IL1RAPL2: variants seen among roughly 807,000 people sequenced by gnomAD.
IL1RAPL2 encodes the protein interleukin 1 receptor accessory protein like 2.
A neutral mutation model predicts 44.1 loss-of-function variants in IL1RAPL2; 3 were observed. The ratio of observed to expected loss-of-function variants is 0.07; its 90% CI spans 0.03 to 0.18. The LOEUF (loss-of-function observed/expected upper bound fraction) is 0.18. Ranked by LOEUF, IL1RAPL2 falls within the 10% of genes least tolerant of loss-of-function variation. The pLI is 1.00. For synonymous variants in IL1RAPL2, 181 were observed against 178.8 expected (o/e 1.01, Z -0.10); for missense variants, 391 against 496.4 (o/e 0.79, Z 2.02).
chrX:104,930,749 T>C (rs745343526), intron 2 of IL1RAPL2, among the ~76,000 whole-genome samples: 4 of 112,101 alleles, frequency 3.6e-5, no homozygotes, highest in African/African-American at 9.7e-5. Context: ...CAGTCACTTA[T>C]GATGAGCTAG....
At position 105,276,034 on chromosome X, in the gene IL1RAPL2, A is replaced by ATAAC. The variant is rs199597391; in HGVS notation, c.697+8496_697+8499dup. ...CCAATCCATTGTTTTGTCTTTTGGA[A>ATAAC]TAACTATTTCTGATTCTAAAAGGAA... On this transcript the variant is annotated intron_variant, in intron 5 of 10. Coordinates refer to ENST00000372582, the MANE Select transcript of IL1RAPL2 (RefSeq NM_017416.2). Among the ~76,000 whole-genome samples the ATAAC allele has an allele frequency of 8.0e-3, 904 of 112,414 alleles. 12 individuals are homozygous for ATAAC. The highest frequency in any genetic ancestry group is 0.028 in the African/African-American group (869 of 30,918).
intron 5 of IL1RAPL2, among the ~76,000 whole-genome samples, chrX:105,306,208 T>C (rs760276293): frequency 1.8e-5 from 2 of 111,598 alleles, no homozygotes; most frequent in South Asian, 7.4e-4. Context: ...AACATATATA[T>C]TAATAACATA....
chrX:105,640,733 T>G (rs1431432798), intron 6 of IL1RAPL2, among the ~76,000 whole-genome samples: 6 of 82,088 alleles, frequency 7.3e-5, no homozygotes, highest in Admixed American at 5.9e-4. Context: ...TATCTATATA[T>G]ATAGATATAG....
intron 2 of IL1RAPL2, among the ~76,000 whole-genome samples, chrX:105,051,846 AACATACAC>A (rs2031931055): frequency 8.9e-6 from 1 of 112,392 alleles, no homozygotes; most frequent in Non-Finnish European, 1.9e-5. Flanking sequence ...AGAGGGGAAC[AACATACAC>A]CAGGGCCTGT....
intron 2 of IL1RAPL2, among the ~76,000 whole-genome samples, chrX:104,788,030 T>A (rs1478094646): frequency 9.0e-6 from 1 of 111,377 alleles, no homozygotes; most frequent in African/African-American, 3.3e-5. Context: ...CAGAAATCAG[T>A]AGATGGCTGT....
intron 6 of IL1RAPL2, among the ~76,000 whole-genome samples, chrX:105,542,399 C>T (rs1385971264): frequency 1.8e-5 from 2 of 112,001 alleles, no homozygotes; most frequent in Non-Finnish European, 3.8e-5. Flanking sequence ...GACTAGTTAT[C>T]TCTCTTCAAA....
chrX:104,601,437 T>C (rs1327533267), intron 1 of IL1RAPL2, among the ~76,000 whole-genome samples: 3 of 111,475 alleles, frequency 2.7e-5, no homozygotes, highest in Non-Finnish European at 5.6e-5. Flanking sequence ...TCTTCAACTT[T>C]TGTTTTAGAT....
intron 5 of IL1RAPL2, among the ~76,000 whole-genome samples, chrX:105,469,707 G>T (rs2036153203): frequency 9.1e-6 from 1 of 110,448 alleles, no homozygotes; most frequent in Non-Finnish European, 1.9e-5. Context: ...GGACTATGAA[G>T]CCAGACTGCC....
intron 6 of IL1RAPL2, among the ~76,000 whole-genome samples, chrX:105,692,760 G>T (rs889247701): frequency 5.4e-5 from 6 of 110,639 alleles, no homozygotes; most frequent in African/African-American, 2.0e-4. Context: ...TATCCTGAAG[G>T]CCAGAGGGGG....
intron 2 of IL1RAPL2, among the ~76,000 whole-genome samples, chrX:104,677,378 T>C (rs1184498630): frequency 1.8e-5 from 2 of 110,574 alleles, no homozygotes; most frequent in Non-Finnish European, 3.8e-5. Flanking sequence ...ACTGTGCCCC[T>C]GCTGGGGGGT....
chrX:105,569,889 C>T (rs1248961253), intron 6 of IL1RAPL2, among the ~76,000 whole-genome samples: 1 of 111,618 alleles, frequency 9.0e-6, no homozygotes, highest in Non-Finnish European at 1.9e-5. Context: ...ATTAGTAATA[C>T]TTTGTGACCA....
intron 8 of IL1RAPL2, among the ~76,000 whole-genome samples, chrX:105,748,714 A>G (rs1433736975): frequency 1.8e-5 from 2 of 112,373 alleles, no homozygotes; most frequent in Admixed American, 1.9e-4. Flanking sequence ...TTCAAAACGA[A>G]TTGAGAGCAA....
rs749747814 is a variant in IL1RAPL2 at position 105,484,517 on chromosome X, A to T, written c.772+130A>T. On this transcript the variant is annotated intron_variant, in intron 6 of 10. Coordinates refer to ENST00000372582, the MANE Select transcript of IL1RAPL2 (RefSeq NM_017416.2). The stretch of plus-strand genomic sequence containing the variant: ...AAATCAATTTGTGTTCTGCTCATTT[A>T]TAACCCTGGAGTTCAGTGCGATAGC... The T allele has an allele frequency of 6.0e-6, 3 of 501,340 alleles. No individual in the cohort carries two copies. In the South Asian group the frequency reaches 8.8e-5, roughly 15 times the overall value. The allele number at this position is 501,340 out of a possible 1,213,427, so 41.3% of individuals were successfully genotyped here.
rs185024384 is a variant in IL1RAPL2, at chrX:104,616,115, G to T, written c.-19-42780G>T. On this transcript the variant is annotated intron_variant, in intron 1 of 10. Transcript: ENST00000372582. ...TTGTTTAAGTTCCTTGTAGATTCTG[G>T]ATACTAGACCTTTGTCAAATGGATA... 9.8e-3 allele frequency among the ~76,000 whole-genome samples: 1,103 copies of T among 112,178 alleles called. 8 individuals are homozygous for T. The highest frequency in any genetic ancestry group is 0.018 in the Middle Eastern group (4 of 219).
intron 5 of IL1RAPL2, among the ~76,000 whole-genome samples, chrX:105,317,108 C>G (rs937174632): frequency 6.3e-5 from 7 of 111,534 alleles, no homozygotes; most frequent in Non-Finnish European, 1.1e-4. Context: ...TAGAACTAGG[C>G]TGTATGTTTA....
intron 5 of IL1RAPL2, among the ~76,000 whole-genome samples, chrX:105,318,114 A>G (rs1028115780): frequency 9.1e-6 from 1 of 109,702 alleles, no homozygotes; most frequent in African/African-American, 3.3e-5. Flanking sequence ...CTGGGACTAC[A>G]GGCGCCCGCC....
intron 2 of IL1RAPL2, among the ~76,000 whole-genome samples, chrX:104,957,026 A>G (rs1180335336): frequency 6.2e-5 from 7 of 112,167 alleles, no homozygotes; most frequent in Non-Finnish European, 9.4e-5. Context: ...AGAAGGTGCT[A>G]AAAACATCCC....
intron 5 of IL1RAPL2, among the ~76,000 whole-genome samples, chrX:105,337,949 A>G (rs2035041990): frequency 9.0e-6 from 1 of 111,676 alleles, no homozygotes; most frequent in Admixed American, 9.5e-5. Context: ...TCTAAAGGGT[A>G]AGAAGTACAT....
intron 1 of IL1RAPL2, among the ~76,000 whole-genome samples, chrX:104,603,922 C>G (rs1210888738): frequency 4.5e-5 from 5 of 111,812 alleles, no homozygotes; most frequent in Non-Finnish European, 9.4e-5. Context: ...CCTAGCAAGA[C>G]AGACCAACAT....
Sources: allele counts gnomAD v4.1 joint callset (sites outside exome capture counted in the v4.1 genomes callset), GRCh38; gene constraint gnomAD v4.1.1; transcripts MANE v1.5; gene names NCBI Gene and HGNC (gene_info 2026-07-23, HGNC 2026-07-21).